SEC31A: variants seen among roughly 807,000 people sequenced by gnomAD.
SEC31A encodes protein transport protein Sec31A.
A neutral mutation model predicts 151.0 loss-of-function variants in SEC31A; 70 were observed. The observed-to-expected ratio is 0.46, with a 90% confidence interval of 0.38 to 0.57. The LOEUF is 0.57. SEC31A is among the 20% of genes least tolerant of loss of function. The probability of loss-of-function intolerance (pLI) is 0.00; values close to 1 mark genes in which losing one functional copy is unlikely to be tolerated. For synonymous variants in SEC31A, 475 were observed against 505.9 expected (o/e 0.94, Z 0.82); for missense variants, 1,330 against 1,471.2 (o/e 0.90, Z 1.57).
Position 82,842,478 on chromosome 4 carries a change from T to A in SEC31A, c.2630A>T (p.Tyr877Phe). The A allele has an allele frequency of 1.2e-6, 2 of 1,607,804 alleles. No homozygotes were observed. The highest frequency in any genetic ancestry group is 2.2e-5 in the South Asian group (2 of 90,134). Residue 877 changes from tyrosine (Y) to phenylalanine (F), a missense_variant, in exon 22 of 27, where the codon TAT (tyrosine) becomes TTT (phenylalanine). Tyr to Phe is a conservative substitution (Grantham distance 22). Coordinates refer to ENST00000395310, the MANE Select transcript of SEC31A (RefSeq NM_001077207.4). ...GAAGGGATACGGCTGGGCTGGTTGATAAGCTACACCAAGGAGAAGAAACAG... is the reference window on the plus strand; with the variant it reads ...GAAGGGATACGGCTGGGCTGGTTGAAAAGCTACACCAAGGAGAAGAAACAG... ...QVPPYPQPQPYQPAQPYPFGT... is the reference protein window; with the variant it reads ...QVPPYPQPQPFQPAQPYPFGT...
At chr4:82,871,309 CAT>C in intron 7 of SEC31A, 3 of 1,305,852 alleles carry the variant, frequency 2.3e-6, no homozygotes, top group Non-Finnish European at 2.0e-6. Context: ...ATTATACATG[CAT>C]ACACACACAC....
chr4:82,842,885 A>C, intron 21 of SEC31A: 1 of 171,782 alleles, frequency 5.8e-6, no homozygotes, highest in South Asian at 1.4e-4. Context: ...GCAGCTCCAG[A>C]CCTCCCTCCC....
At chr4:82,899,017 G>A (rs4302451) in intron 3 of SEC31A, among the ~76,000 whole-genome samples, 99,981 of 152,096 alleles carry the variant, frequency 0.66, 34,610 homozygotes, top group Admixed American at 0.76. Context: ...ATAAAATGGA[G>A]TACGATTCAG....
Position 82,827,489 on chromosome 4 carries a change from A to C in SEC31A, c.3171T>G (p.Leu1057=), listed in dbSNP as rs1404636863. The change falls in exon 24 of 27, where the codon CTT becomes CTG. Residue 1057 remains leucine (L), a synonymous_variant. Coordinates refer to ENST00000395310, the MANE Select transcript of SEC31A (RefSeq NM_001077207.4). The part of the protein sequence containing the change: ...SSQSSFPQPH[L]PGGQPFHGVQ... The stretch of plus-strand genomic sequence containing the variant: ...CGCCATGGAAGGGCTGGCCACCTGG[A>C]AGATGTGGCTGTGGGAATGAAGACT... 6.2e-7 allele frequency: 1 copy of C among 1,614,220 alleles called. No homozygotes were observed.
chr4:82,828,284 G>A (rs1323948855), intron 23 of SEC31A, among the ~76,000 whole-genome samples: 1 of 152,196 alleles, frequency 6.6e-6, no homozygotes, highest in Non-Finnish European at 1.5e-5. Context: ...GGGCGTGTAT[G>A]TGCACATGTG....
At chr4:82,883,097 G>C (rs1043041382) in intron 1 of SEC31A, among the ~76,000 whole-genome samples, 1 of 152,138 alleles carries the variant, frequency 6.6e-6, no homozygotes, top group Non-Finnish European at 1.5e-5. Context: ...TCCAGCCTGG[G>C]CAACAGAGCG....
chr4:82,884,510 C>T (rs1306365943), intron 1 of SEC31A, among the ~76,000 whole-genome samples: 1 of 152,132 alleles, frequency 6.6e-6, no homozygotes, highest in Admixed American at 6.5e-5. Context: ...ACCAACATCG[C>T]ACATCATAAA....
intron 24 of SEC31A, among the ~76,000 whole-genome samples, chr4:82,826,981 A>G (rs1724749741): frequency 6.6e-6 from 1 of 152,238 alleles, no homozygotes. Context: ...AGGCTGTATT[A>G]TTAGCTTTTA....
At chr4:82,884,856 A>G (rs1740309635) in intron 1 of SEC31A, among the ~76,000 whole-genome samples, 1 of 152,108 alleles carries the variant, frequency 6.6e-6, no homozygotes, top group Admixed American at 6.5e-5. Flanking sequence ...TAGATCTCCT[A>G]TATCCTTACT....
chr4:82,870,208 C>T (rs767487560), intron 8 of SEC31A, 117 bp downstream of exon 8: 35 of 704,778 alleles, frequency 5.0e-5, no homozygotes, highest in Admixed American at 1.2e-4. Context: ...TGCACACACA[C>T]GTCCACATAC....
chr4:82,861,652 A>T lies in SEC31A; in HGVS notation c.1605T>A (p.Ala535=). 1 of 1,609,958 alleles carries T rather than the reference A, an allele frequency of 6.2e-7. No individual in the cohort carries two copies. Among genetic ancestry groups the T allele is most frequent in the Non-Finnish European group, 8.5e-7 (1 of 1,177,072 alleles). The change falls in exon 14 of 27, where the codon GCT becomes GCA. Residue 535 remains alanine (A), a synonymous_variant. Coordinates refer to ENST00000395310, the MANE Select transcript of SEC31A (RefSeq NM_001077207.4). ...GTACCTCTCCCAAGAGCTGCTCTTC[A>T]GCAGCAGGGCTCTCCTCCCCATCAC... The part of the protein sequence containing the change: ...AQSDGEESPA[A]EEQLLGEHIK...
rs1457531942 is a variant in SEC31A at position 82,819,168 on chromosome 4, G to A, written c.3569C>T (p.Thr1190Ile). 6.2e-6 allele frequency: 10 copies of A among 1,612,468 alleles called. No individual in the cohort carries two copies. The highest frequency in any genetic ancestry group is 2.2e-5 in the South Asian group (2 of 90,610). Residue 1190 changes from threonine to isoleucine, a missense_variant, in exon 27 of 27, where the codon ACC (threonine) becomes ATC (isoleucine). Coordinates refer to ENST00000395310, the MANE Select transcript of SEC31A (RefSeq NM_001077207.4). ...RNYSEGLTMHTHIVSTSNFSE... is the reference protein window; with the variant it reads ...RNYSEGLTMHIHIVSTSNFSE... ...GAAGTTGCTGGTGCTAACTATGTGG[G>A]TATGCATGGTCAATCCTTCTGAGTA...
At chr4:82,876,910 C>T (rs1221974142) in intron 4 of SEC31A, among the ~76,000 whole-genome samples, 1 of 152,170 alleles carries the variant, frequency 6.6e-6, no homozygotes, top group Non-Finnish European at 1.5e-5. Context: ...ATACAATTAA[C>T]AAAGGAGTTA....
In SEC31A at chr4:82,844,267, A is replaced by G. The variant is rs960868951; in HGVS notation, c.2626+119T>C. 2.0e-5 allele frequency: 22 copies of G among 1,086,820 alleles called. No individual in the cohort carries two copies. The African/African-American group carries it at 2.2e-4, about 11-fold the overall frequency. The allele number at this position is 1,086,820 out of a possible 1,614,324, so 67.3% of individuals were successfully genotyped here. A position where few individuals can be genotyped will look rare whatever the true frequency, so the allele number is the denominator to read the frequency against. ...GTCTCTTTGTAGCAGGGACTCAGGA[A>G]TCCTATGCACAATGGTTCTTACTTA... On this transcript the variant is annotated intron_variant, in intron 21 of 26. Transcript: ENST00000395310.
At chr4:82,842,012 C>A (rs1425215423) in intron 22 of SEC31A, 128 bp downstream of exon 22, 23 of 751,760 alleles carry the variant, frequency 3.1e-5, no homozygotes, top group Non-Finnish European at 4.3e-5. Flanking sequence ...AAAAAACAAA[C>A]CCAAACCTCA....
At chr4:82,868,698 TC>T (rs1187826772) in intron 8 of SEC31A, among the ~76,000 whole-genome samples, 1 of 152,126 alleles carries the variant, frequency 6.6e-6, no homozygotes. Context: ...TTTTCCTTTT[TC>T]TTTTTTTTAT....
chr4:82,900,513 G>T (rs1720273274), exon 1 of SEC31A: 1 of 464,400 alleles, frequency 2.2e-6, no homozygotes, highest in Non-Finnish European at 3.8e-6. Context: ...AAAATAAACC[G>T]GTTGCAGCAA....
In SEC31A at chr4:82,836,844, G is replaced by A. The variant is rs143660158; in HGVS notation, c.2968+5296C>T. Among the ~76,000 whole-genome samples the A allele has an allele frequency of 2.1e-3, 324 of 152,098 alleles. 1 individual carries two copies. The highest frequency in any genetic ancestry group is 7.4e-3 in the African/African-American group (307 of 41,502). On this transcript the variant is annotated intron_variant, in intron 22 of 26. Transcript: ENST00000395310. Reference sequence around the variant, plus strand: ...AAGATCTAGTTGACATCACAACAGGGTGACTACAGTCAACAATAATTATTG... The same window carrying A: ...AAGATCTAGTTGACATCACAACAGGATGACTACAGTCAACAATAATTATTG...
chr4:82,880,979 C>T, intron 2 of SEC31A, 57 bp from the exon 3 acceptor site: 1 of 1,443,098 alleles, frequency 6.9e-7, no homozygotes, highest in Non-Finnish European at 9.5e-7. Flanking sequence ...TCAGAGAAAC[C>T]ATACAAAACA....
Sources: allele counts gnomAD v4.1 joint callset (sites outside exome capture counted in the v4.1 genomes callset), GRCh38; gene constraint gnomAD v4.1.1; transcripts MANE v1.5; gene names NCBI Gene and HGNC (gene_info 2026-07-23, HGNC 2026-07-21).